The following ROBO2 variants were observed in gnomAD, a reference collection of about 807,000 sequenced individuals.
The protein encoded by ROBO2 is roundabout homolog 2.
ROBO2 carries 53 observed loss-of-function variants against 160.8 expected under a neutral mutation model. The ratio of observed to expected loss-of-function variants is 0.33; its 90% CI spans 0.26 to 0.41. The LOEUF (loss-of-function observed/expected upper bound fraction) is 0.41. Ranked by LOEUF, ROBO2 falls within the 10% of genes least tolerant of loss-of-function variation. ROBO2 has a pLI of 1.00. For synonymous variants in ROBO2, 664 were observed against 611.7 expected (o/e 1.09, Z -1.26); for missense variants, 1,577 against 1,722.4 (o/e 0.92, Z 1.49).
At chr3:76,791,252 C>T (rs991336118) in intron 2 of ROBO2, among the ~76,000 whole-genome samples, 18 of 151,636 alleles carry the variant, frequency 1.2e-4, no homozygotes, top group African/African-American at 4.4e-4. Context: ...AATAGATGGA[C>T]AGATAAGCTG....
At chr3:76,152,091 C>T (rs1212022815) in intron 2 of ROBO2, among the ~76,000 whole-genome samples, 2 of 152,036 alleles carry the variant, frequency 1.3e-5, no homozygotes, top group Non-Finnish European at 2.9e-5. Flanking sequence ...TCTTTGGTGG[C>T]CAGTGTTGTT....
intron 2 of ROBO2, among the ~76,000 whole-genome samples, chr3:76,255,501 G>A (rs1318915040): frequency 6.6e-6 from 1 of 151,900 alleles, no homozygotes; most frequent in East Asian, 1.9e-4. Flanking sequence ...TCAGGAACTG[G>A]TCTCCAAAAT....
chr3:77,019,093 G>C (rs369382538), intron 2 of ROBO2, among the ~76,000 whole-genome samples: 2 of 152,148 alleles, frequency 1.3e-5, no homozygotes, highest in African/African-American at 4.8e-5. Flanking sequence ...ACCTCAAAGA[G>C]GTTAAGATAA....
At chr3:77,266,566 T>A (rs1360086280) in intron 2 of ROBO2, among the ~76,000 whole-genome samples, 1 of 152,108 alleles carries the variant, frequency 6.6e-6, no homozygotes, top group Non-Finnish European at 1.5e-5. Flanking sequence ...ATCCATACTC[T>A]GGTCTCACCA....
chr3:76,369,925 A>G (rs2076020934), intron 2 of ROBO2, among the ~76,000 whole-genome samples: 1 of 152,052 alleles, frequency 6.6e-6, no homozygotes. Context: ...AACACGTGAC[A>G]GTAACACCAC....
At chr3:76,631,074 A>G (rs1578708367) in intron 2 of ROBO2, among the ~76,000 whole-genome samples, 1 of 152,226 alleles carries the variant, frequency 6.6e-6, no homozygotes. Context: ...TGACTTTAAT[A>G]TCTAAACCTC....
intron 2 of ROBO2, among the ~76,000 whole-genome samples, chr3:76,535,375 A>C (rs534378584): frequency 8.5e-5 from 13 of 152,188 alleles, no homozygotes; most frequent in African/African-American, 3.1e-4. Context: ...GTCTTCTCAA[A>C]GCCTGCTGTG....
At chr3:76,413,577 C>A (rs895984716) in intron 2 of ROBO2, among the ~76,000 whole-genome samples, 6 of 152,164 alleles carry the variant, frequency 3.9e-5, no homozygotes, top group Non-Finnish European at 8.8e-5. Flanking sequence ...AAGGCAGGGG[C>A]AAAATGCCTC....
At chr3:76,878,580 C>A (rs1267893017) in intron 2 of ROBO2, among the ~76,000 whole-genome samples, 1 of 152,060 alleles carries the variant, frequency 6.6e-6, no homozygotes, top group Admixed American at 6.5e-5. Context: ...GAAAATCTGA[C>A]CTAAGACCAA....
intron 2 of ROBO2, among the ~76,000 whole-genome samples, chr3:76,404,805 G>A (rs1206564438): frequency 1.3e-5 from 2 of 151,574 alleles, no homozygotes; most frequent in Admixed American, 6.6e-5. Flanking sequence ...ATAGAAAACG[G>A]AGAAAATTGA....
intron 2 of ROBO2, among the ~76,000 whole-genome samples, chr3:76,242,712 C>G (rs1307944541): frequency 6.6e-6 from 1 of 151,992 alleles, no homozygotes; most frequent in South Asian, 2.1e-4. Context: ...ATAGTGAGAC[C>G]CTGTCTCTAC....
chr3:77,353,190 C>G (rs796956772), intron 2 of ROBO2, among the ~76,000 whole-genome samples: 65 of 152,246 alleles, frequency 4.3e-4, no homozygotes, highest in African/African-American at 1.5e-3. Flanking sequence ...TTTGTAGTCT[C>G]TCTAAGAAGT....
intron 1 of ROBO2, among the ~76,000 whole-genome samples, chr3:77,072,003 G>A (rs942356882): frequency 9.9e-5 from 15 of 152,100 alleles, no homozygotes; most frequent in East Asian, 1.9e-4. Context: ...GGATGTGAGC[G>A]GTGGGTGAGA....
intron 2 of ROBO2, among the ~76,000 whole-genome samples, chr3:76,808,278 T>C (rs1000009503): frequency 6.6e-6 from 1 of 152,114 alleles, no homozygotes; most frequent in Non-Finnish European, 1.5e-5. Flanking sequence ...AGATATGACG[T>C]GCACACTCGT....
intron 2 of ROBO2, among the ~76,000 whole-genome samples, chr3:76,877,679 C>T (rs1392240408): frequency 2.0e-5 from 3 of 152,174 alleles, no homozygotes; most frequent in African/African-American, 7.2e-5. Flanking sequence ...TCTTAGTTGG[C>T]TCCAGCTGCC....
intron 2 of ROBO2, among the ~76,000 whole-genome samples, chr3:76,307,791 G>T (rs1191976976): frequency 6.6e-6 from 1 of 152,024 alleles, no homozygotes; most frequent in South Asian, 2.1e-4. Context: ...AATAATAAAT[G>T]ACTCATCTCA....
At chr3:77,491,433 C>T (rs939338229) in intron 4 of ROBO2, among the ~76,000 whole-genome samples, 1 of 152,152 alleles carries the variant, frequency 6.6e-6, no homozygotes, top group Admixed American at 6.5e-5. Flanking sequence ...AGAAGTCGAT[C>T]CCGCTTCCTA....
chr3:77,252,396 A>C (rs904209518), intron 2 of ROBO2, among the ~76,000 whole-genome samples: 3 of 152,152 alleles, frequency 2.0e-5, no homozygotes, highest in Non-Finnish European at 2.9e-5. Context: ...TTAAATAAAC[A>C]AACAAAAACA....
At chr3:76,933,568 C>G (rs546979796) in intron 2 of ROBO2, among the ~76,000 whole-genome samples, 143 of 152,184 alleles carry the variant, frequency 9.4e-4, no homozygotes, top group African/African-American at 3.3e-3. Flanking sequence ...TATTTGTGAT[C>G]TTGGCCTAAT....
Sources: gnomAD v4.1 joint callset for allele counts (sites outside exome capture counted in the v4.1 genomes callset) on GRCh38, gnomAD v4.1.1 for gene constraint, MANE v1.5 for transcripts, NCBI Gene and HGNC (gene_info 2026-07-23, HGNC 2026-07-21) for gene names.